Variants in FARS2 observed in about 807,000 individuals in gnomAD.
FARS2 encodes the protein phenylalanine--tRNA ligase, mitochondrial.
In FARS2, 40 loss-of-function variants were observed where a neutral mutation model predicts 46.4. That is an observed-to-expected ratio of 0.86 (90% CI 0.67 to 1.12). The LOEUF (loss-of-function observed/expected upper bound fraction) is 1.12. Among genes scored for constraint, FARS2 ranks in the 50% most tolerant of loss-of-function variants. FARS2 has a pLI of 0.00. For missense variants in FARS2, 513 were observed against 567.9 expected, an observed-to-expected ratio of 0.90 and a Z score of 0.98; for synonymous variants, 234 against 214.9, an observed-to-expected ratio of 1.09 and a Z score of -0.78.
At chr6:5,614,541 C>G (rs6904473) in intron 6 of FARS2, among the ~76,000 whole-genome samples, 19,659 of 152,076 alleles carry the variant, frequency 0.13, 1,562 homozygotes, top group South Asian at 0.19. Context: ...TCCTGAGTAG[C>G]TGGGACTACA....
intron 5 of FARS2, among the ~76,000 whole-genome samples, chr6:5,578,484 C>T (rs184829536): frequency 4.9e-4 from 74 of 151,958 alleles, no homozygotes; most frequent in African/African-American, 8.4e-4. Context: ...TTTTTTTTAA[C>T]GTTATTTTCA....
intron 4 of FARS2, among the ~76,000 whole-genome samples, chr6:5,485,231 T>C (rs572099493): frequency 2.0e-5 from 3 of 152,178 alleles, no homozygotes; most frequent in Non-Finnish European, 4.4e-5. Context: ...GTCTCACTTT[T>C]CTCCTTTGTA....
intron 6 of FARS2, among the ~76,000 whole-genome samples, chr6:5,741,374 G>T (rs1761328470): frequency 6.6e-6 from 1 of 152,176 alleles, no homozygotes; most frequent in Non-Finnish European, 1.5e-5. Flanking sequence ...CTATGATGCC[G>T]TGTCTTTCCC....
intron 6 of FARS2, 64 bp downstream of exon 6, chr6:5,613,384 C>T (rs1775295124): frequency 1.0e-5 from 15 of 1,479,588 alleles, no homozygotes; most frequent in Non-Finnish European, 1.4e-5. Flanking sequence ...CATGTGGAAG[C>T]ATATCATAAA....
At chr6:5,683,412 G>T (rs1276505870) in intron 6 of FARS2, among the ~76,000 whole-genome samples, 1 of 152,082 alleles carries the variant, frequency 6.6e-6, no homozygotes, top group Non-Finnish European at 1.5e-5. Flanking sequence ...GTGAACATTT[G>T]CCTAGCTTTG....
rs77184684 is a variant in FARS2, at chr6:5,622,844, A to T, written c.1217+9524A>T. Among the ~76,000 whole-genome samples the T allele has an allele frequency of 6.3e-3, 955 of 152,282 alleles. 13 individuals carry two copies. Among genetic ancestry groups the T allele is most frequent in the African/African-American group, 0.022 (897 of 41,548 alleles). On this transcript the variant is annotated intron_variant, in intron 6 of 6. Transcript: ENST00000274680. ...CAGGAACAGATTAAGACAATAGCTC[A>T]TTTTCGTCTTCCTGCAATGTTTATA...
In FARS2 at chr6:5,360,717, A is replaced by C. The variant is rs145511491; in HGVS notation, c.-21-7833A>C. Among the ~76,000 whole-genome samples, 593 of 152,274 alleles carry C rather than the reference A, an allele frequency of 3.9e-3. 5 individuals are homozygous for C. Among genetic ancestry groups the C allele is most frequent in the African/African-American group, 0.014 (566 of 41,562 alleles). On this transcript the variant is annotated intron_variant, in intron 1 of 6. Coordinates refer to ENST00000274680, the MANE Select transcript of FARS2 (RefSeq NM_006567.5). Reference sequence around the variant, plus strand: ...GACCTTGTCCCTGATAATTGATTTCATTTGCCCATGAACTTTAAAAAATTT... The same window carrying C: ...GACCTTGTCCCTGATAATTGATTTCCTTTGCCCATGAACTTTAAAAAATTT...
At chr6:5,572,412 A>G (rs1223558889) in intron 5 of FARS2, among the ~76,000 whole-genome samples, 1 of 152,160 alleles carries the variant, frequency 6.6e-6, no homozygotes, top group Non-Finnish European at 1.5e-5. Flanking sequence ...CCCATGATCC[A>G]AACACCTCGC....
chr6:5,635,363 T>G (rs1268338214), intron 6 of FARS2, among the ~76,000 whole-genome samples: 1 of 152,226 alleles, frequency 6.6e-6, no homozygotes, highest in Non-Finnish European at 1.5e-5. Flanking sequence ...TGATGATAAT[T>G]TACTCCAAAC....
chr6:5,488,048 T>C (rs1225997634), intron 4 of FARS2, among the ~76,000 whole-genome samples: 1 of 152,204 alleles, frequency 6.6e-6, no homozygotes, highest in Non-Finnish European at 1.5e-5. Flanking sequence ...TGGATTTTAC[T>C]CTTCATCAGA....
rs145157900 is a variant in FARS2, at chr6:5,421,230, G to A, written c.773-9811G>A. On this transcript the variant is annotated intron_variant, in intron 3 of 6. Coordinates refer to ENST00000274680, the MANE Select transcript of FARS2 (RefSeq NM_006567.5). ...CCTGCACCCTCCGAAGCCACAGCCC[G>A]AGCTCTACATTGACCCCTTTCAGCC... 3.2e-3 allele frequency among the ~76,000 whole-genome samples: 484 copies of A among 152,298 alleles called. 2 individuals carry two copies. Among genetic ancestry groups the A allele is most frequent in the African/African-American group, 0.011 (462 of 41,570 alleles).
intron 4 of FARS2, among the ~76,000 whole-genome samples, chr6:5,493,316 C>T (rs1767247636): frequency 1.3e-5 from 2 of 151,776 alleles, no homozygotes; most frequent in African/African-American, 2.4e-5. Flanking sequence ...CTCATTTATT[C>T]CTCTTTTCTC....
intron 4 of FARS2, among the ~76,000 whole-genome samples, chr6:5,535,854 G>A (rs1028399994): frequency 6.6e-6 from 1 of 151,952 alleles, no homozygotes; most frequent in Non-Finnish European, 1.5e-5. Flanking sequence ...TATATTTTGA[G>A]CCATTCTTGC....
At chr6:5,424,412 A>G (rs1256406664) in intron 3 of FARS2, among the ~76,000 whole-genome samples, 1 of 152,226 alleles carries the variant, frequency 6.6e-6, no homozygotes, top group Non-Finnish European at 1.5e-5. Flanking sequence ...AAGACTTCTT[A>G]TATGAATGTG....
At chr6:5,580,433 T>C (rs1773265085) in intron 5 of FARS2, among the ~76,000 whole-genome samples, 1 of 152,106 alleles carries the variant, frequency 6.6e-6, no homozygotes, top group South Asian at 2.1e-4. Flanking sequence ...CTCTGAGGCA[T>C]ATTTATTATA....
chr6:5,660,295 A>C (rs1777790967), intron 6 of FARS2, among the ~76,000 whole-genome samples: 1 of 152,206 alleles, frequency 6.6e-6, no homozygotes, highest in South Asian at 2.1e-4. Context: ...TGGAATAATC[A>C]CACATGTAGA....
chr6:5,260,931 G>C (rs955433679), upstream of FARS2: 40 of 1,353,344 alleles, frequency 3.0e-5, no homozygotes, highest in African/African-American at 3.1e-5. Flanking sequence ...CCGCTTCGGG[G>C]GCGGGCGCAG....
chr6:5,454,410 C>T (rs970411123), intron 4 of FARS2, among the ~76,000 whole-genome samples: 5 of 152,106 alleles, frequency 3.3e-5, no homozygotes, highest in Middle Eastern at 3.4e-3. Flanking sequence ...GGCGTGATCT[C>T]GGCTCACTGC....
At chr6:5,317,061 C>G (rs1432654403) in intron 1 of FARS2, among the ~76,000 whole-genome samples, 1 of 152,204 alleles carries the variant, frequency 6.6e-6, no homozygotes, top group Non-Finnish European at 1.5e-5. Context: ...ATCAGTTAGG[C>G]TCTTGCATGG....
Sources: allele counts gnomAD v4.1 joint callset (sites outside exome capture counted in the v4.1 genomes callset), GRCh38; gene constraint gnomAD v4.1.1; transcripts MANE v1.5; gene names NCBI Gene and HGNC (gene_info 2026-07-23, HGNC 2026-07-21).